ABR: variants seen among roughly 807,000 people sequenced by gnomAD.
ABR encodes active breakpoint cluster region-related protein.
A neutral mutation model predicts 107.2 loss-of-function variants in ABR; 35 were observed. The ratio of observed to expected loss-of-function variants is 0.33; its 90% CI spans 0.25 to 0.43. The LOEUF (loss-of-function observed/expected upper bound fraction) is 0.43, where lower values mean the gene tolerates loss of function less well. Among genes scored for constraint, ABR ranks in the 20% least tolerant of loss-of-function variants. The probability of loss-of-function intolerance (pLI) is 1.00; values close to 1 mark genes in which losing one functional copy is unlikely to be tolerated. For missense variants in ABR, 815 were observed against 1,115.2 expected, an observed-to-expected ratio of 0.73 and a Z score of 3.83; for synonymous variants, 498 against 462.0, an observed-to-expected ratio of 1.08 and a Z score of -1.00.
chr17:1,123,323 G>A (rs1404652097), intron 2 of ABR, among the ~76,000 whole-genome samples: 4 of 152,156 alleles, frequency 2.6e-5, no homozygotes. Flanking sequence ...ACTTTAGGGG[G>A]CAGTCACTCT....
chr17:1,039,225 G>A (rs2073429579), intron 16 of ABR, among the ~76,000 whole-genome samples: 1 of 152,184 alleles, frequency 6.6e-6, no homozygotes. Context: ...GGGGGAGCGG[G>A]CGCCAAGCCT....
intron 1 of ABR, among the ~76,000 whole-genome samples, chr17:1,146,123 C>T (rs919744594): frequency 6.6e-6 from 1 of 152,168 alleles, no homozygotes; most frequent in Non-Finnish European, 1.5e-5. Context: ...AGGACGTGCC[C>T]AGGTTAGCCT....
At chr17:1,151,826 C>A (rs562812292) in intron 1 of ABR, among the ~76,000 whole-genome samples, 1 of 152,172 alleles carries the variant, frequency 6.6e-6, no homozygotes, top group Non-Finnish European at 1.5e-5. Context: ...ACATCCATCC[C>A]GGCTAACACG....
intron 16 of ABR, among the ~76,000 whole-genome samples, chr17:1,033,634 C>T (rs540177458): frequency 3.3e-5 from 5 of 152,304 alleles, no homozygotes; most frequent in Admixed American, 6.5e-5. Context: ...CCTGCAGGGG[C>T]GGCCAGACCA....
At chr17:1,175,873 C>T (rs1348333137) in intron 1 of ABR, among the ~76,000 whole-genome samples, 1 of 151,966 alleles carries the variant, frequency 6.6e-6, no homozygotes, top group African/African-American at 2.4e-5. Flanking sequence ...GGGTGGATCA[C>T]GAGGTCAGGA....
At chr17:1,085,904 T>A (rs1206922695) in intron 4 of ABR, among the ~76,000 whole-genome samples, 1 of 152,158 alleles carries the variant, frequency 6.6e-6, no homozygotes, top group Non-Finnish European at 1.5e-5. Flanking sequence ...CCCAGCACTT[T>A]GGGAGGCCGA....
intron 1 of ABR, among the ~76,000 whole-genome samples, chr17:1,127,122 G>A (rs2039636777): frequency 6.6e-6 from 1 of 152,190 alleles, no homozygotes; most frequent in African/African-American, 2.4e-5. Flanking sequence ...ACCTGCTTCT[G>A]TCGGCTGCCT....
At chr17:1,079,134 T>TG in intron 6 of ABR, 196 bp downstream of exon 6, 1 of 1,436,648 alleles carries the variant, frequency 7.0e-7, no homozygotes, top group Non-Finnish European at 9.1e-7. Flanking sequence ...GCTGGCTGCC[T>TG]GGGCACGAGG....
At position 1,050,926 on chromosome 17, in the gene ABR, C is replaced by G. The variant is rs1391103325; in HGVS notation, c.1562-292G>C. Among the ~76,000 whole-genome samples, 1 of 148,852 alleles carries G rather than the reference C, an allele frequency of 6.7e-6. No homozygotes were observed. Among genetic ancestry groups the G allele is most frequent in the East Asian group, 1.9e-4 (1 of 5,150 alleles). On this transcript the variant is annotated intron_variant, in intron 14 of 22. Coordinates refer to ENST00000302538, the MANE Select transcript of ABR (RefSeq NM_021962.5). This position sits in a 1 kb window ranked among gnomAD's most constrained non-coding sequence, Gnocchi z 4.6. ...CCCTCCCCACACTCTGCCCTTCCCA[C>G]CTCGGCCCTCCCCACACTCTGGCCT...
In ABR at chr17:1,125,189, A is replaced by C; in HGVS notation, c.240T>G (p.Ala80=). The part of the protein sequence containing the change: ...GVSPTPPEGL[A]PGVEAGKGLE... ...GAAAAGCCGGTGTACCTACCCCAGG[A>C]GCCAGTCCCTCAGGTGGAGTCGGGG... The change falls in exon 2 of 23, where the codon GCT becomes GCG. Residue 80 remains alanine, a synonymous_variant. Coordinates refer to ENST00000302538, the MANE Select transcript of ABR (RefSeq NM_021962.5). The C allele has an allele frequency of 6.3e-7, 1 of 1,583,056 alleles. No homozygotes were observed. The highest frequency in any genetic ancestry group is 8.6e-7 in the Non-Finnish European group (1 of 1,163,086).
At position 1,159,578 on chromosome 17, in the gene ABR, A is replaced by G. The variant is rs1368439111; in HGVS notation, c.61+20089T>C. Among the ~76,000 whole-genome samples, 174 of 63,126 alleles carry G rather than the reference A, an allele frequency of 2.8e-3. 15 individuals are homozygous for G. Among genetic ancestry groups the G allele is most frequent in the African/African-American group, 7.8e-3 (153 of 19,560 alleles). 41.4% of individuals were successfully genotyped at this position (63,126 alleles called of 152,430 possible). A position where few individuals can be genotyped will look rare whatever the true frequency, so the allele number is the denominator to read the frequency against. On this transcript the variant is annotated intron_variant, in intron 1 of 22. Transcript: ENST00000302538. ...GAATGCGGTACTCACACACGGGAGA[A>G]GTAAGAATGCGGTACTCACACACAT...
intron 1 of ABR, among the ~76,000 whole-genome samples, chr17:1,151,971 G>C (rs553443224): frequency 3.1e-4 from 46 of 149,602 alleles, no homozygotes; most frequent in African/African-American, 9.4e-4. Flanking sequence ...TGGCTAACAC[G>C]GGGAAACCCC....
At chr17:1,135,095 C>T (rs1035853630) in intron 1 of ABR, among the ~76,000 whole-genome samples, 2 of 152,068 alleles carry the variant, frequency 1.3e-5, no homozygotes, top group South Asian at 2.1e-4. Context: ...GAGTTTCAGG[C>T]GGTGAGAGGA....
rs113304216 is a variant in ABR at position 1,065,714 on chromosome 17, T to G, written c.1182+1363A>C. ...TTTGAATTTTGATTTCCTCTTTACC[T>G]TGTCAGTTTGAACTTTCCAAACCAA... On this transcript the variant is annotated intron_variant, in intron 10 of 22. Coordinates refer to ENST00000302538, the MANE Select transcript of ABR (RefSeq NM_021962.5). Among the ~76,000 whole-genome samples the G allele has an allele frequency of 8.7e-4, 132 of 151,988 alleles. 1 individual carries two copies. Among genetic ancestry groups the G allele is most frequent in the African/African-American group, 2.9e-3 (121 of 41,488 alleles).
intron 16 of ABR, among the ~76,000 whole-genome samples, chr17:1,034,882 G>A (rs138068486): frequency 9.8e-4 from 149 of 152,230 alleles, no homozygotes; most frequent in African/African-American, 3.5e-3. Flanking sequence ...GAAGGGGGCC[G>A]TGTGAATCCC....
At chr17:1,128,773 A>C (rs2039702731) in intron 1 of ABR, among the ~76,000 whole-genome samples, 1 of 149,374 alleles carries the variant, frequency 6.7e-6, no homozygotes, top group African/African-American at 2.5e-5. Context: ...CCACCCCAGG[A>C]AGGTCTACCT....
intron 16 of ABR, among the ~76,000 whole-genome samples, chr17:1,034,866 G>T (rs775048784): frequency 2.6e-5 from 4 of 152,100 alleles, no homozygotes; most frequent in South Asian, 4.1e-4. Flanking sequence ...CGCCGGGTGT[G>T]GGGGAGAAGG....
chr17:1,053,572 C>T (rs1178667743), intron 14 of ABR, among the ~76,000 whole-genome samples: 1 of 152,116 alleles, frequency 6.6e-6, no homozygotes, highest in Non-Finnish European at 1.5e-5. Context: ...GTGCCTACAC[C>T]CTGGGCCTGC....
intron 1 of ABR, among the ~76,000 whole-genome samples, chr17:1,129,048 G>A (rs1454323994): frequency 2.0e-5 from 3 of 152,172 alleles, no homozygotes; most frequent in African/African-American, 7.2e-5. Context: ...CTTCCCTGAC[G>A]TCCCCGCTTC....
Sources: allele counts gnomAD v4.1 joint callset (sites outside exome capture counted in the v4.1 genomes callset), GRCh38; gene constraint gnomAD v4.1.1; non-coding constraint Gnocchi (gnomAD v3.1); transcripts MANE v1.5; gene names NCBI Gene and HGNC (gene_info 2026-07-23, HGNC 2026-07-21).